The following PAQR5 variants were observed in gnomAD, a reference collection of about 807,000 sequenced individuals.
PAQR5 encodes membrane progestin receptor gamma.
PAQR5 carries 20 observed loss-of-function variants against 34.5 expected under a neutral mutation model. The observed-to-expected ratio is 0.58, with a 90% CI of 0.41 to 0.84. PAQR5 has a LOEUF of 0.84. PAQR5 is among the 40% of genes least tolerant of loss of function. PAQR5 has a pLI of 0.00. For synonymous variants in PAQR5, 131 were observed against 155.6 expected (o/e 0.84, Z 1.18); for missense variants, 378 against 412.7 (o/e 0.92, Z 0.73).
chr15:69,356,186 A>G (rs1478710485), intron 2 of PAQR5, among the ~76,000 whole-genome samples: 3 of 152,150 alleles, frequency 2.0e-5, no homozygotes, highest in African/African-American at 4.8e-5. Context: ...TGGAGACCCA[A>G]CCTTGATTTC....
rs918985127 is a variant in PAQR5 at position 69,323,627 on chromosome 15, C to G, written c.-276-13714C>G. Among the ~76,000 whole-genome samples, 7 of 152,270 alleles carry G rather than the reference C, an allele frequency of 4.6e-5. No individual in the cohort carries two copies. In the Middle Eastern group the frequency reaches 0.01, roughly 222 times the overall value. On this transcript the variant is annotated intron_variant, in intron 1 of 8. Transcript: ENST00000395407. ...AGAGGACTCATTCATTTATTTTCTT[C>G]TAATAGCGTTGCGTTAAATGAAAGA...
At chr15:69,328,992 G>C (rs1404799591) in intron 1 of PAQR5, among the ~76,000 whole-genome samples, 2 of 152,204 alleles carry the variant, frequency 1.3e-5, no homozygotes, top group East Asian at 3.9e-4. Flanking sequence ...TCACTGACTG[G>C]TAGCATGACT....
chr15:69,384,811 G>A lies in PAQR5; in HGVS notation c.314G>A (p.Ser105Asn). 1 of 1,614,172 alleles carries A rather than the reference G, an allele frequency of 6.2e-7. No individual in the cohort carries two copies. The highest frequency in any genetic ancestry group is 8.5e-7 in the Non-Finnish European group (1 of 1,180,018). The change falls in exon 5 of 9, where the codon AGC becomes AAC. Residue 105 changes from serine to asparagine, a missense_variant. Ser to Asn is a conservative substitution (Grantham distance 46). Coordinates refer to ENST00000395407, the MANE Select transcript of PAQR5 (RefSeq NM_017705.4). ...GTGTCCAGCTGTGCGCACACCTTCAGCTCTATGTCCAAGAATGCCCGGCAC... is the reference window on the plus strand; with the variant it reads ...GTGTCCAGCTGTGCGCACACCTTCAACTCTATGTCCAAGAATGCCCGGCAC... ...PLVSSCAHTFSSMSKNARHIC... is the reference protein window; with the variant it reads ...PLVSSCAHTFNSMSKNARHIC...
chr15:69,361,036 G>A (rs1431508074), intron 3 of PAQR5, among the ~76,000 whole-genome samples: 1 of 152,244 alleles, frequency 6.6e-6, no homozygotes, highest in Admixed American at 6.5e-5. Context: ...AAAACCGTAA[G>A]TGGTGCAGAG....
chr15:69,310,002 C>T (rs1449048633), intron 1 of PAQR5, among the ~76,000 whole-genome samples: 5 of 151,768 alleles, frequency 3.3e-5, no homozygotes, highest in East Asian at 1.9e-4. Context: ...GAGCTGAGAT[C>T]GCTCCACTGC....
At chr15:69,382,694 ATATATATATATG>A (rs1567032589) in intron 4 of PAQR5, among the ~76,000 whole-genome samples, 26 of 69,964 alleles carry the variant, frequency 3.7e-4, no homozygotes, top group South Asian at 9.6e-4. Context: ...ATATATATAT[ATATATATATATG>A]TATGTATGTA....
At position 69,334,253 on chromosome 15, in the gene PAQR5, C is replaced by T. The variant is rs189021412; in HGVS notation, c.-276-3088C>T. ...CCATGTTAGCCAGGATGGTCTCGAG[C>T]TCTTGACCTCGTGATCCACCCACCT... On this transcript the variant is annotated intron_variant, in intron 1 of 8. Coordinates refer to ENST00000395407, the MANE Select transcript of PAQR5 (RefSeq NM_017705.4). Among the ~76,000 whole-genome samples, 103 of 152,262 alleles carry T rather than the reference C, an allele frequency of 6.8e-4. 1 individual carries two copies. The highest frequency in any genetic ancestry group is 1.4e-3 in the Admixed American group (21 of 15,284).
At chr15:69,401,379 TTTC>T (rs1189780507) in intron 8 of PAQR5, among the ~76,000 whole-genome samples, 2 of 152,210 alleles carry the variant, frequency 1.3e-5, no homozygotes, top group East Asian at 3.8e-4. Context: ...TTTATCTCCT[TTTC>T]TTCTTTTGTT....
At position 69,319,819 on chromosome 15, in the gene PAQR5, T is replaced by A. The variant is rs540902817; in HGVS notation, c.-276-17522T>A. On this transcript the variant is annotated intron_variant, in intron 1 of 8. Transcript: ENST00000395407. ...TCTCCTGGAAGCTCTTGTCTGGGGGTCTTGGTTCTGCTCTCAGCGGTTGCA... is the reference window on the plus strand; with the variant it reads ...TCTCCTGGAAGCTCTTGTCTGGGGGACTTGGTTCTGCTCTCAGCGGTTGCA... Among the ~76,000 whole-genome samples the A allele has an allele frequency of 7.0e-4, 106 of 152,004 alleles. 1 individual carries two copies. Among genetic ancestry groups the A allele is most frequent in the African/African-American group, 2.5e-3 (105 of 41,456 alleles).
intron 5 of PAQR5, among the ~76,000 whole-genome samples, chr15:69,388,092 T>C (rs953027102): frequency 2.0e-5 from 3 of 152,024 alleles, no homozygotes; most frequent in Non-Finnish European, 2.9e-5. Flanking sequence ...AGAGAGCCAT[T>C]GATTCCATCT....
Position 69,403,879 on chromosome 15 carries a change from A to C in PAQR5, c.*57A>C. Reference sequence around the variant, plus strand: ...AACATTAAGCTGCAACATCCTAACCACCATAAGCCGGAGGTGGTTACAGCT... The same window carrying C: ...AACATTAAGCTGCAACATCCTAACCCCCATAAGCCGGAGGTGGTTACAGCT... On this transcript the variant is annotated 3_prime_UTR_variant, in exon 9 of 9. Coordinates refer to ENST00000395407, the MANE Select transcript of PAQR5 (RefSeq NM_017705.4). The C allele has an allele frequency of 6.3e-7, 1 of 1,579,534 alleles. No individual in the cohort carries two copies. The highest frequency in any genetic ancestry group is 8.6e-7 in the Non-Finnish European group (1 of 1,163,204).
chr15:69,313,779 A>G (rs2053881442), intron 1 of PAQR5, among the ~76,000 whole-genome samples: 1 of 152,058 alleles, frequency 6.6e-6, no homozygotes, highest in African/African-American at 2.4e-5. Context: ...GGGGGGTGAC[A>G]GGTGAGCAGG....
chr15:69,301,046 C>A (rs532174610), intron 1 of PAQR5, among the ~76,000 whole-genome samples: 1 of 141,838 alleles, frequency 7.1e-6, no homozygotes, highest in Non-Finnish European at 1.5e-5. Flanking sequence ...CTCTATTACC[C>A]AGGCTAGAGT....
At position 69,400,107 on chromosome 15, in the gene PAQR5, A is replaced by C; in HGVS notation, c.743A>C (p.Asp248Ala). Residue 248 changes from aspartate to alanine, a missense_variant, in exon 8 of 9, where the codon GAC becomes GCC. Asp to Ala is a moderately radical substitution (Grantham distance 126). Coordinates refer to ENST00000395407, the MANE Select transcript of PAQR5 (RefSeq NM_017705.4). Reference sequence around the variant, plus strand: ...GAACGCCTAGCCCCTGGACGCTTTGACTACATCGGTGAGTGGGCAACAGCC... The same window carrying C: ...GAACGCCTAGCCCCTGGACGCTTTGCCTACATCGGTGAGTGGGCAACAGCC... ...LPERLAPGRFDYIGHSHQLFH... is the reference protein window; with the variant it reads ...LPERLAPGRFAYIGHSHQLFH... The C allele has an allele frequency of 6.2e-7, 1 of 1,612,794 alleles. No individual in the cohort carries two copies. Among genetic ancestry groups the C allele is most frequent in the Non-Finnish European group, 8.5e-7 (1 of 1,179,374 alleles).
intron 2 of PAQR5, among the ~76,000 whole-genome samples, chr15:69,355,574 C>G (rs1242659503): frequency 6.6e-6 from 1 of 151,546 alleles, no homozygotes; most frequent in African/African-American, 2.4e-5. Flanking sequence ...GCATTCGCCA[C>G]CACGCCCAGC....
chr15:69,311,386 C>T (rs1454695664), intron 1 of PAQR5, among the ~76,000 whole-genome samples: 1 of 152,142 alleles, frequency 6.6e-6, no homozygotes, highest in African/African-American at 2.4e-5. Flanking sequence ...AGCCTGGAAC[C>T]TGAGTTAGAT....
At chr15:69,364,523 A>T (rs200554268) in intron 3 of PAQR5, among the ~76,000 whole-genome samples, 43 of 134,266 alleles carry the variant, frequency 3.2e-4, no homozygotes, top group East Asian at 1.1e-3. Flanking sequence ...TTATATATGT[A>T]ATATATATAC....
intron 2 of PAQR5, among the ~76,000 whole-genome samples, chr15:69,353,348 G>C (rs759735515): frequency 6.6e-6 from 1 of 152,168 alleles, no homozygotes; most frequent in East Asian, 1.9e-4. Context: ...TGATACTTCT[G>C]TCAAAACTAC....
At chr15:69,338,159 C>T (rs574403989) in intron 2 of PAQR5, among the ~76,000 whole-genome samples, 24 of 152,136 alleles carry the variant, frequency 1.6e-4, no homozygotes, top group Non-Finnish European at 2.6e-4. Context: ...TACCAGGTAC[C>T]CAGACGGATG....
Sources: allele counts gnomAD v4.1 joint callset (sites outside exome capture counted in the v4.1 genomes callset), GRCh38; gene constraint gnomAD v4.1.1; transcripts MANE v1.5; gene names NCBI Gene and HGNC (gene_info 2026-07-23, HGNC 2026-07-21).